The following TTC3 variants were observed in gnomAD, a reference collection of about 807,000 sequenced individuals.
The protein encoded by TTC3 is E3 ubiquitin-protein ligase TTC3.
A neutral mutation model predicts 249.6 loss-of-function variants in TTC3; 180 were observed. The observed-to-expected ratio is 0.72, with a 90% CI of 0.64 to 0.82. The LOEUF is 0.82. Ranked by LOEUF, TTC3 falls within the 40% of genes least tolerant of loss-of-function variation. The pLI, the probability that TTC3 is intolerant of heterozygous loss-of-function variation, is 0.00. For missense variants in TTC3, 2,061 were observed against 2,398.4 expected, an observed-to-expected ratio of 0.86 and a Z score of 2.94; for synonymous variants, 717 against 805.0, an observed-to-expected ratio of 0.89 and a Z score of 1.85.
At chr21:37,132,755 G>A (rs371421528) in exon 17 of TTC3, 3 of 1,604,496 alleles carry the variant, frequency 1.9e-6, no homozygotes, top group Non-Finnish European at 1.7e-6. Flanking sequence ...ATCTTCCAGA[G>A]CTGCACACCA....
At chr21:37,199,148 C>T (rs894110483) in intron 44 of TTC3, among the ~76,000 whole-genome samples, 4 of 152,158 alleles carry the variant, frequency 2.6e-5, no homozygotes, top group African/African-American at 9.7e-5. Context: ...GACAGCAAAA[C>T]CCTGAACAGC....
rs1409230625 is a variant in TTC3 at position 37,191,436 on chromosome 21, A to G, written c.5115+12A>G. ...TTGAGAAAGCAAAGGTAAGTTGTAA[A>G]CATCTTTTAATCCCATCAAAATCTT... On this transcript the variant is annotated intron_variant, in intron 40 of 45. Coordinates refer to ENST00000355666, the Ensembl canonical transcript of TTC3. The G allele has an allele frequency of 1.3e-6, 2 of 1,522,922 alleles. No individual in the cohort carries two copies. Among genetic ancestry groups the G allele is most frequent in the African/African-American group, 1.4e-5 (1 of 71,338 alleles). 94.3% of individuals were successfully genotyped at this position (1,522,922 alleles called of 1,614,324 possible). A position where few individuals can be genotyped will look rare whatever the true frequency, so the allele number is the denominator to read the frequency against.
intron 35 of TTC3, among the ~76,000 whole-genome samples, chr21:37,180,737 G>A (rs2082683454): frequency 7.2e-6 from 1 of 138,874 alleles, no homozygotes; most frequent in Admixed American, 7.5e-5. Flanking sequence ...ATGTGCACAT[G>A]TACCCTAAAA....
chr21:37,103,671 C>T (rs1176243115), intron 10 of TTC3, among the ~76,000 whole-genome samples: 2 of 152,146 alleles, frequency 1.3e-5, no homozygotes, highest in South Asian at 2.1e-4. Flanking sequence ...ATTGATTCAA[C>T]AAATATTGGG....
intron 19 of TTC3, among the ~76,000 whole-genome samples, chr21:37,139,980 A>T (rs1044932593): frequency 2.0e-5 from 3 of 152,150 alleles, no homozygotes; most frequent in African/African-American, 4.8e-5. Flanking sequence ...ATTTCTTAGA[A>T]CTATGTATCT....
chr21:37,141,847 C>T (rs552004821), intron 20 of TTC3, among the ~76,000 whole-genome samples: 3 of 152,166 alleles, frequency 2.0e-5, no homozygotes, highest in Non-Finnish European at 4.4e-5. Flanking sequence ...ATGCAAAAAT[C>T]CTTAATAAAA....
intron 1 of TTC3, among the ~76,000 whole-genome samples, chr21:37,080,031 C>T (rs558369375): frequency 6.6e-6 from 1 of 151,888 alleles, no homozygotes; most frequent in South Asian, 2.1e-4. Flanking sequence ...GATCTTTTTT[C>T]TCTTTTATTA....
At chr21:37,126,167 T>A (rs1433784989) in intron 15 of TTC3, 24 bp downstream of exon 15, 1 of 1,605,466 alleles carries the variant, frequency 6.2e-7, no homozygotes, top group Non-Finnish European at 8.5e-7. Flanking sequence ...TTATATCAAT[T>A]GTTGCCAAGT....
rs146665112 is a variant in TTC3 at position 37,182,255 on chromosome 21, G to A, written c.4618-519G>A. ...CATAGGAAGTTGACAAAGAGGGTTA[G>A]GTGTCAAGTGGTGCTGTACCAAACC... is the stretch of plus-strand genomic sequence containing the variant. On this transcript the variant is annotated intron_variant, in intron 35 of 45. Transcript: ENST00000355666. Among the ~76,000 whole-genome samples the A allele has an allele frequency of 2.6e-3, 400 of 152,324 alleles. 2 individuals carry two copies. Among genetic ancestry groups the A allele is most frequent in the Middle Eastern group, 0.014 (4 of 294 alleles).
chr21:37,089,162 A>G (rs896684931), intron 5 of TTC3, among the ~76,000 whole-genome samples: 7 of 152,216 alleles, frequency 4.6e-5, no homozygotes, highest in African/African-American at 1.7e-4. Context: ...GTATGGGTTC[A>G]TGAAAACCTT....
At chr21:37,155,562 A>G (rs1387761438) in intron 27 of TTC3, among the ~76,000 whole-genome samples, 4 of 152,212 alleles carry the variant, frequency 2.6e-5, no homozygotes, top group African/African-American at 9.6e-5. Context: ...AGAAGCAAGC[A>G]GTCTAGGATA....
At chr21:37,117,159 T>C (rs2076207276) in intron 11 of TTC3, among the ~76,000 whole-genome samples, 1 of 152,214 alleles carries the variant, frequency 6.6e-6, no homozygotes, top group East Asian at 1.9e-4. Context: ...GACAGATTTC[T>C]TCGCTTTTCC....
intron 11 of TTC3, among the ~76,000 whole-genome samples, chr21:37,108,992 G>A (rs8127148): frequency 0.41 from 62,103 of 152,018 alleles, 13,313 homozygotes; most frequent in Non-Finnish European, 0.48. Flanking sequence ...AAGAAACCCC[G>A]TAGAAAATGG....
intron 1 of TTC3, among the ~76,000 whole-genome samples, chr21:37,077,000 A>G (rs2070976965): frequency 6.6e-6 from 1 of 151,994 alleles, no homozygotes; most frequent in Non-Finnish European, 1.5e-5. Context: ...TGGCCTACAA[A>G]GGGATAATTT....
chr21:37,109,811 C>A (rs1277680107), intron 11 of TTC3, among the ~76,000 whole-genome samples: 7 of 152,222 alleles, frequency 4.6e-5, no homozygotes, highest in African/African-American at 7.2e-5. Flanking sequence ...AGGCACCCCC[C>A]AGTAGGGGCG....
At chr21:37,170,361 T>A (rs2081648958) in intron 34 of TTC3, among the ~76,000 whole-genome samples, 1 of 152,248 alleles carries the variant, frequency 6.6e-6, no homozygotes, top group Admixed American at 6.5e-5. Context: ...AGATGATTTT[T>A]AAACATATAA....
chr21:37,174,581 A>G (rs982389550), intron 35 of TTC3, among the ~76,000 whole-genome samples: 1 of 152,198 alleles, frequency 6.6e-6, no homozygotes, highest in Non-Finnish European at 1.5e-5. Flanking sequence ...GAGCTAACCA[A>G]CTTTTCCTTT....
intron 28 of TTC3, chr21:37,158,046 C>T: frequency 1.3e-6 from 1 of 789,810 alleles, no homozygotes; most frequent in Non-Finnish European, 1.5e-6. Flanking sequence ...AGTTCCAATG[C>T]ATATAAGGAG....
chr21:37,200,297 C>A, exon 45 of TTC3: 1 of 1,614,192 alleles, frequency 6.2e-7, no homozygotes, highest in South Asian at 1.1e-5. Flanking sequence ...TGCGTGTGCT[C>A]AAATGTGGGC....
Sources: allele counts gnomAD v4.1 joint callset (sites outside exome capture counted in the v4.1 genomes callset), GRCh38; gene constraint gnomAD v4.1.1; transcripts MANE v1.5; gene names NCBI Gene and HGNC (gene_info 2026-07-23, HGNC 2026-07-21).